The following ZNF771 variants were observed in gnomAD, a reference collection of about 807,000 sequenced individuals.
The protein encoded by ZNF771 is mesenchymal stem cell protein DSC43.
A neutral mutation model predicts 27.6 loss-of-function variants in ZNF771; 10 were observed. That is an observed-to-expected ratio of 0.36 (90% confidence interval 0.22 to 0.61). The LOEUF (loss-of-function observed/expected upper bound fraction) is 0.61, where lower values mean the gene tolerates loss of function less well. Ranked by LOEUF, ZNF771 falls within the 20% of genes least tolerant of loss-of-function variation. The pLI is 0.70. For synonymous variants in ZNF771, 261 were observed against 225.2 expected, an observed-to-expected ratio of 1.16 and a Z score of -1.43; for missense variants, 438 against 503.7, an observed-to-expected ratio of 0.87 and a Z score of 1.25.
chr16:30,417,071 C>A (rs1458126420), intron 2 of ZNF771, among the ~76,000 whole-genome samples: 1 of 152,218 alleles, frequency 6.6e-6, no homozygotes, highest in Non-Finnish European at 1.5e-5. Context: ...GCAACTCCCG[C>A]CTCTGCGCCC....
At chr16:30,413,574 T>C in intron 2 of ZNF771, 1 of 437,196 alleles carries the variant, frequency 2.3e-6, no homozygotes, top group Non-Finnish European at 4.6e-6. Flanking sequence ...TGGGTTTTTT[T>C]TTCTTTTTTT....
At chr16:30,407,773 A>G (rs1023933496) in intron 1 of ZNF771, 109 bp downstream of exon 1, 4 of 234,982 alleles carry the variant, frequency 1.7e-5, no homozygotes, top group Non-Finnish European at 3.4e-5. Context: ...CAGCGCAAGG[A>G]TGGTGGCGAC....
At position 30,415,382 on chromosome 16, in the gene ZNF771, C is replaced by CTT. The variant is rs397854803; in HGVS notation, c.142-2152_142-2151dup. 2.3e-3 allele frequency among the ~76,000 whole-genome samples: 299 copies of CTT among 132,124 alleles called. 1 individual carries two copies. Among genetic ancestry groups the CTT allele is most frequent in the Middle Eastern group, 4.5e-3 (1 of 224 alleles). 86.7% of individuals were successfully genotyped at this position (132,124 alleles called of 152,430 possible). ...GGCCCTACTATTTTCTGCTGTCACC[C>CTT]TTTTTTTTTTTTTTTTTTTTTTGAG... On this transcript the variant is annotated intron_variant, in intron 2 of 2. Coordinates refer to ENST00000319296, the MANE Select transcript of ZNF771 (RefSeq NM_001142305.2).
In ZNF771 at chr16:30,417,548, C is replaced by G; in HGVS notation, c.142-7C>G. The G allele has an allele frequency of 8.2e-7, 1 of 1,217,182 alleles. No homozygotes were observed. The highest frequency in any genetic ancestry group is 1.0e-6 in the Non-Finnish European group (1 of 979,814). 75.4% of individuals were successfully genotyped at this position (1,217,182 alleles called of 1,614,324 possible). On this transcript the variant is annotated splice_polypyrimidine_tract_variant and splice_region_variant and intron_variant, in intron 2 of 2. Coordinates refer to ENST00000319296, the MANE Select transcript of ZNF771 (RefSeq NM_001142305.2). ...CTAAGGGCTGACCTATCCCCCTCTC[C>G]CCGCAGGTCCCGGGCGAGGCGCCCG... is the stretch of plus-strand genomic sequence containing the variant.
chr16:30,408,606 T>G (rs1045528620), intron 2 of ZNF771, among the ~76,000 whole-genome samples: 4 of 152,164 alleles, frequency 2.6e-5, no homozygotes, highest in Admixed American at 6.6e-5. Flanking sequence ...GCCTAGCATT[T>G]TCTATGTGCC....
chr16:30,418,414 C>A lies in ZNF771; in HGVS notation c.*47C>A. ...GCGCGCTGGGGCTTCGACCTGGCTGCACTAACCCAGGCTCCTCCTCGCCCC... is the reference window on the plus strand; with the variant it reads ...GCGCGCTGGGGCTTCGACCTGGCTGAACTAACCCAGGCTCCTCCTCGCCCC... On this transcript the variant is annotated 3_prime_UTR_variant, in exon 3 of 3. Coordinates refer to ENST00000319296, the MANE Select transcript of ZNF771 (RefSeq NM_001142305.2). 7.4e-7 allele frequency: 1 copy of A among 1,354,426 alleles called. No individual in the cohort carries two copies. The highest frequency in any genetic ancestry group is 1.7e-5 in the South Asian group (1 of 57,388). 83.9% of individuals were successfully genotyped at this position (1,354,426 alleles called of 1,614,324 possible).
Position 30,416,796 on chromosome 16 carries a change from A to C in ZNF771, c.142-759A>C, listed in dbSNP as rs143758982. 4.9e-3 allele frequency among the ~76,000 whole-genome samples: 739 copies of C among 152,126 alleles called. 7 individuals carry two copies. Among genetic ancestry groups the C allele is most frequent in the African/African-American group, 0.017 (699 of 41,504 alleles). Reference sequence around the variant, plus strand: ...CAGGTCCCTGTCTCCTTTATAATAAAAGCCAGAGCCAGGCACAGTGGTATG... The same window carrying C: ...CAGGTCCCTGTCTCCTTTATAATAACAGCCAGAGCCAGGCACAGTGGTATG... On this transcript the variant is annotated intron_variant, in intron 2 of 2. Transcript: ENST00000319296.
At chr16:30,411,558 T>G (rs1341025078) in intron 2 of ZNF771, among the ~76,000 whole-genome samples, 2 of 152,174 alleles carry the variant, frequency 1.3e-5, no homozygotes, top group Non-Finnish European at 2.9e-5. Context: ...GTAGCGGTCG[T>G]AACTCCACCG....
At chr16:30,414,611 T>G (rs559548007) in intron 2 of ZNF771, 3 of 152,296 alleles carry the variant, frequency 2.0e-5, no homozygotes, top group Admixed American at 2.0e-4. Flanking sequence ...TTAAACCAGA[T>G]TTCTCTTGGT....
intron 2 of ZNF771, chr16:30,413,509 G>A (rs1407203281): frequency 7.3e-6 from 2 of 273,344 alleles, no homozygotes; most frequent in African/African-American, 2.2e-5. Flanking sequence ...TAACAATTAT[G>A]AGACTTTTTT....
chr16:30,409,668 C>T (rs2050093951), intron 2 of ZNF771, among the ~76,000 whole-genome samples: 1 of 152,152 alleles, frequency 6.6e-6, no homozygotes, highest in East Asian at 1.9e-4. Flanking sequence ...CTGCTGGGTG[C>T]TGGGGGAGGG....
In ZNF771 at chr16:30,416,892, G is replaced by C. The variant is rs377766614; in HGVS notation, c.142-663G>C. Among the ~76,000 whole-genome samples, 16 of 142,478 alleles carry C rather than the reference G, an allele frequency of 1.1e-4. No individual in the cohort carries two copies. The South Asian group carries it at 3.6e-3, about 32-fold the overall frequency. The allele number at this position is 142,478 out of a possible 152,430, so 93.5% of individuals were successfully genotyped here. A position where few individuals can be genotyped will look rare whatever the true frequency, so the allele number is the denominator to read the frequency against. On this transcript the variant is annotated intron_variant, in intron 2 of 2. Coordinates refer to ENST00000319296, the MANE Select transcript of ZNF771 (RefSeq NM_001142305.2). ...CTTGAGCCAGGAGGTTCGGGACCAA[G>C]CCTGGGCCACGGCAAGACCCTGTCT... is the stretch of plus-strand genomic sequence containing the variant.
intron 2 of ZNF771, among the ~76,000 whole-genome samples, chr16:30,408,565 T>TCAACAG (rs2050088933): frequency 6.6e-6 from 1 of 152,174 alleles, no homozygotes; most frequent in Admixed American, 6.6e-5. Context: ...TCAGGTTAGT[T>TCAACAG]CAACAGCAAC....
chr16:30,419,349 T>C lies in ZNF771; in HGVS notation c.*982T>C, dbSNP rs562789280. ...ACTTTGGGAGGCGGAGGCAGGAGGA[T>C]CTCTTGAAGTCAAGAGTTTGAGATC... On this transcript the variant is annotated 3_prime_UTR_variant, in exon 3 of 3. Transcript: ENST00000319296. 6.5e-6 allele frequency: 1 copy of C among 152,848 alleles called. No individual in the cohort carries two copies. The highest frequency in any genetic ancestry group is 2.0e-4 in the South Asian group (1 of 5,084). The allele number at this position is 152,848 out of a possible 1,614,324, so 9.5% of individuals were successfully genotyped here.
chr16:30,418,190 C>A lies in ZNF771; in HGVS notation c.777C>A (p.Tyr259Ter). ...GCACGCACACAGGCGAGCGGCCCTA[C>A]CCCTGCGCCGAGTGCGGCCGCCGCT... ...HARTHTGERP[Y>*]PCAECGRRFR... Residue 259 changes from tyrosine (Y) to a stop codon, truncating the protein, a stop_gained, in exon 3 of 3, where the codon TAC (tyrosine) becomes TAA (stop). Coordinates refer to ENST00000319296, the MANE Select transcript of ZNF771 (RefSeq NM_001142305.2). LOFTEE classifies it high-confidence loss of function. 2 of 1,505,946 alleles carry A rather than the reference C, an allele frequency of 1.3e-6. No homozygotes were observed. Among genetic ancestry groups the A allele is most frequent in the Non-Finnish European group, 1.8e-6 (2 of 1,134,236 alleles). The allele number at this position is 1,505,946 out of a possible 1,614,324, so 93.3% of individuals were successfully genotyped here.
Position 30,418,246 on chromosome 16 carries a change from G to A in ZNF771, c.833G>A (p.Arg278Gln). The change falls in exon 3 of 3, where the codon CGA becomes CAA. Residue 278 changes from arginine to glutamine, a missense_variant. Arg to Gln is a conservative substitution (Grantham distance 43, BLOSUM62 1). Transcript: ENST00000319296. ...FRLSSHFIRHRRAHMRRRLYI... is the reference protein window; with the variant it reads ...FRLSSHFIRHQRAHMRRRLYI... ...CTAAGCTCGCACTTCATTCGCCACC[G>A]ACGCGCGCACATGCGGCGCCGCCTG... The A allele has an allele frequency of 1.3e-6, 2 of 1,514,902 alleles. No homozygotes were observed. Among genetic ancestry groups the A allele is most frequent in the Non-Finnish European group, 1.8e-6 (2 of 1,138,256 alleles). 93.8% of individuals were successfully genotyped at this position (1,514,902 alleles called of 1,614,324 possible).
rs1011297166 is a variant in ZNF771 at position 30,418,406 on chromosome 16, C to T, written c.*39C>T. On this transcript the variant is annotated 3_prime_UTR_variant, in exon 3 of 3. Transcript: ENST00000319296. ...GCGGAGGGGCGCGCTGGGGCTTCGA[C>T]CTGGCTGCACTAACCCAGGCTCCTC... 2.5e-5 allele frequency: 34 copies of T among 1,359,650 alleles called. No individual in the cohort carries two copies. The African/African-American group carries it at 4.3e-4, about 17-fold the overall frequency. The allele number at this position is 1,359,650 out of a possible 1,614,324, so 84.2% of individuals were successfully genotyped here.
At chr16:30,411,845 A>G (rs2050105431) in intron 2 of ZNF771, among the ~76,000 whole-genome samples, 2 of 152,144 alleles carry the variant, frequency 1.3e-5, no homozygotes, top group Admixed American at 6.5e-5. Context: ...AGTCCTAGCT[A>G]TTGCCAGTCC....
At chr16:30,414,846 C>T (rs1334567186) in intron 2 of ZNF771, among the ~76,000 whole-genome samples, 2 of 146,512 alleles carry the variant, frequency 1.4e-5, no homozygotes, top group Non-Finnish European at 2.9e-5. Flanking sequence ...GGGGTTTCAC[C>T]ATGTTAGCCA....
Sources: gnomAD v4.1 joint callset for allele counts (sites outside exome capture counted in the v4.1 genomes callset) on GRCh38, gnomAD v4.1.1 for gene constraint, MANE v1.5 for transcripts, NCBI Gene and HGNC (gene_info 2026-07-23, HGNC 2026-07-21) for gene names.